RMST: variants seen among roughly 807,000 people sequenced by gnomAD.
RMST encodes long intergenic non-protein coding RNA 54.
intron 10 of RMST, among the ~76,000 whole-genome samples, chr12:97,501,965 A>T (rs912010594): frequency 3.9e-5 from 6 of 152,144 alleles, no homozygotes; most frequent in Non-Finnish European, 7.3e-5. Context: ...GGAATGCCGC[A>T]CTAACTCAGT....
At chr12:97,514,310 T>C (rs1328151445) in intron 10 of RMST, among the ~76,000 whole-genome samples, 1 of 152,230 alleles carries the variant, frequency 6.6e-6, no homozygotes. Context: ...ATTTTGCAAC[T>C]CTATAATTAT....
chr12:97,502,967 A>G (rs150207551), intron 10 of RMST, among the ~76,000 whole-genome samples: 3 of 152,310 alleles, frequency 2.0e-5, no homozygotes, highest in Non-Finnish European at 2.9e-5. Flanking sequence ...TGGTCTCCCA[A>G]TAGAGCACCT....
chr12:97,488,053 G>A (rs1876317598), intron 5 of RMST, among the ~76,000 whole-genome samples: 1 of 152,172 alleles, frequency 6.6e-6, no homozygotes, highest in African/African-American at 2.4e-5. Flanking sequence ...TCCCCATCTA[G>A]AGACCTGGAG....
At chr12:97,513,547 T>C (rs7963407) in intron 10 of RMST, among the ~76,000 whole-genome samples, 19,632 of 152,158 alleles carry the variant, frequency 0.13, 2,094 homozygotes, top group African/African-American at 0.27. Context: ...GCTTCTATTC[T>C]AGTGTTAACC....
chr12:97,535,042 A>G (rs1348928380), intron 11 of RMST, among the ~76,000 whole-genome samples: 3 of 151,836 alleles, frequency 2.0e-5, no homozygotes, highest in African/African-American at 2.4e-5. Context: ...AAAATTATTC[A>G]TAGTAAAAAA....
chr12:97,525,994 G>T (rs1440392299), intron 10 of RMST, among the ~76,000 whole-genome samples: 1 of 151,986 alleles, frequency 6.6e-6, no homozygotes, highest in East Asian at 1.9e-4. Context: ...AGAATCTAAT[G>T]CCTGATGATC....
intron 11 of RMST, among the ~76,000 whole-genome samples, chr12:97,551,625 C>A (rs1024680405): frequency 6.6e-6 from 1 of 152,108 alleles, no homozygotes; most frequent in Non-Finnish European, 1.5e-5. Context: ...TCATAACTTT[C>A]TTTTGGGGAT....
intron 10 of RMST, among the ~76,000 whole-genome samples, chr12:97,523,946 C>T (rs35387719): frequency 7.3e-5 from 11 of 151,286 alleles, no homozygotes; most frequent in African/African-American, 2.4e-4. Context: ...CATGGTGGTG[C>T]GTGCCTGTAG....
chr12:97,539,213 A>C (rs1193868382), intron 11 of RMST, among the ~76,000 whole-genome samples: 1 of 151,616 alleles, frequency 6.6e-6, no homozygotes, highest in Non-Finnish European at 1.5e-5. Flanking sequence ...ATCACTTAAA[A>C]GCATTAGGCC....
chr12:97,470,901 G>T (rs1200881760), intron 5 of RMST, among the ~76,000 whole-genome samples: 1 of 151,856 alleles, frequency 6.6e-6, no homozygotes, highest in Non-Finnish European at 1.5e-5. Context: ...CCTCATGTTG[G>T]GTTTTTATTT....
Position 97,532,861 on chromosome 12 carries a change from T to G in RMST, n.1545+2002T>G, listed in dbSNP as rs1463035492. 4.0e-5 allele frequency: 6 copies of G among 151,836 alleles called. No individual in the cohort carries two copies. In the East Asian group the frequency reaches 1.2e-3, roughly 30 times the overall value. 9.4% of individuals were successfully genotyped at this position (151,836 alleles called of 1,614,324 possible). On this transcript the variant is annotated intron_variant and non_coding_transcript_variant, in intron 11 of 13. Coordinates refer to ENST00000640149, the Ensembl canonical transcript of RMST. Reference sequence around the variant, plus strand: ...GCAGGTGATTGGGGCTGTAGCAATTTTATTGAAGATTAAAGTTTGATTGAC... The same window carrying G: ...GCAGGTGATTGGGGCTGTAGCAATTGTATTGAAGATTAAAGTTTGATTGAC...
Position 97,522,782 on chromosome 12 carries a change from G to A in RMST, n.1341-7873G>A, listed in dbSNP as rs145214132. On this transcript the variant is annotated intron_variant and non_coding_transcript_variant, in intron 10 of 13. Coordinates refer to ENST00000640149, the Ensembl canonical transcript of RMST. The stretch of plus-strand genomic sequence containing the variant: ...TGTGTGTGTGGTACTTGGTTGTATG[G>A]TAAATATTTTCTTACCATAAATTTC... Among the ~76,000 whole-genome samples, 429 of 152,036 alleles carry A rather than the reference G, an allele frequency of 2.8e-3. 2 individuals carry two copies. The highest frequency in any genetic ancestry group is 9.6e-3 in the African/African-American group (400 of 41,472).
chr12:97,523,347 T>G (rs1278360048), intron 10 of RMST, among the ~76,000 whole-genome samples: 1 of 152,124 alleles, frequency 6.6e-6, no homozygotes, highest in Admixed American at 6.5e-5. Context: ...TAATAATATG[T>G]GGGGAATAGG....
chr12:97,541,754 T>G lies in RMST; in HGVS notation n.1545+10895T>G, dbSNP rs565282778. ...AGAAAAAGAAAAAGAAAAAGAAGATTCTTCCTTTCCTTTTTATAAGTTTTA... is the reference window on the plus strand; with the variant it reads ...AGAAAAAGAAAAAGAAAAAGAAGATGCTTCCTTTCCTTTTTATAAGTTTTA... On this transcript the variant is annotated intron_variant and non_coding_transcript_variant, in intron 11 of 13. Transcript: ENST00000640149. Among the ~76,000 whole-genome samples, 169 of 151,504 alleles carry G rather than the reference T, an allele frequency of 1.1e-3. 1 individual carries two copies. Among genetic ancestry groups the G allele is most frequent in the Middle Eastern group, 3.4e-3 (1 of 292 alleles).
At chr12:97,522,628 G>T (rs1880628019) in intron 10 of RMST, among the ~76,000 whole-genome samples, 1 of 152,080 alleles carries the variant, frequency 6.6e-6, no homozygotes, top group East Asian at 1.9e-4. Flanking sequence ...ACCCATTAAT[G>T]GGTCATGAAA....
intron 10 of RMST, among the ~76,000 whole-genome samples, chr12:97,500,456 G>A (rs1320031371): frequency 3.3e-5 from 5 of 152,190 alleles, no homozygotes. Context: ...CTGTGCATAA[G>A]ACACTTCCAA....
intron 10 of RMST, among the ~76,000 whole-genome samples, chr12:97,501,841 C>T (rs11109065): frequency 0.17 from 26,089 of 152,116 alleles, 4,587 homozygotes; most frequent in African/African-American, 0.44. Flanking sequence ...AAATAGATGA[C>T]GCAAAAGTTG....
intron 11 of RMST, among the ~76,000 whole-genome samples, chr12:97,560,283 C>T (rs755187950): frequency 3.9e-5 from 6 of 152,052 alleles, no homozygotes; most frequent in Non-Finnish European, 7.4e-5. Flanking sequence ...AATAAAAAGC[C>T]CCTCGCTAAA....
intron 11 of RMST, among the ~76,000 whole-genome samples, chr12:97,543,881 G>A (rs1882738936): frequency 6.6e-6 from 1 of 152,014 alleles, no homozygotes; most frequent in South Asian, 2.1e-4. Flanking sequence ...ATTTTGGTAA[G>A]CAAAGAAAGC....
Sources: allele counts gnomAD v4.1 joint callset (sites outside exome capture counted in the v4.1 genomes callset), GRCh38; gene constraint gnomAD v4.1.1; transcripts MANE v1.5; gene names NCBI Gene and HGNC (gene_info 2026-07-23, HGNC 2026-07-21).